The following UTRN variants were observed in gnomAD, a reference collection of about 807,000 sequenced individuals.
The protein encoded by UTRN is dystrophin-related protein 1.
UTRN carries 283 observed loss-of-function variants against 463.9 expected under a neutral mutation model. The ratio of observed to expected loss-of-function variants is 0.61; its 90% confidence interval spans 0.55 to 0.67. The LOEUF is 0.67. UTRN is among the 30% of genes least tolerant of loss of function. The probability of loss-of-function intolerance (pLI) is 0.00; values close to 1 mark genes in which losing one functional copy is unlikely to be tolerated. For missense variants in UTRN, 3,922 were observed against 4,084.3 expected, an observed-to-expected ratio of 0.96 and a Z score of 1.08; for synonymous variants, 1,442 against 1,431.5, an observed-to-expected ratio of 1.01 and a Z score of -0.17.
intron 51 of UTRN, among the ~76,000 whole-genome samples, chr6:144,661,938 A>G (rs1316662187): frequency 6.6e-6 from 1 of 152,136 alleles, no homozygotes; most frequent in African/African-American, 2.4e-5. Context: ...AGTTGAATTG[A>G]CAGTAGAAGA....
At chr6:144,650,675 C>G (rs999649670) in intron 51 of UTRN, among the ~76,000 whole-genome samples, 1 of 152,132 alleles carries the variant, frequency 6.6e-6, no homozygotes, top group Non-Finnish European at 1.5e-5. Flanking sequence ...CTTTAGGAGG[C>G]CAAGGCGGGC....
intron 34 of UTRN, among the ~76,000 whole-genome samples, chr6:144,503,440 A>G (rs1040652900): frequency 6.6e-6 from 1 of 152,140 alleles, no homozygotes; most frequent in African/African-American, 2.4e-5. Context: ...GGTGTAAGGA[A>G]GGGGTCCACT....
intron 7 of UTRN, among the ~76,000 whole-genome samples, chr6:144,426,937 C>T (rs2114860554): frequency 6.6e-6 from 1 of 152,236 alleles, no homozygotes. Flanking sequence ...AAGAATCAGG[C>T]TGAAATACTT....
chr6:144,441,920 G>A (rs892332610), intron 13 of UTRN, among the ~76,000 whole-genome samples: 3 of 152,154 alleles, frequency 2.0e-5, no homozygotes, highest in African/African-American at 7.2e-5. Context: ...CTGTACCTTT[G>A]CCCCTTTTAG....
intron 51 of UTRN, among the ~76,000 whole-genome samples, chr6:144,675,913 A>C (rs999112896): frequency 6.6e-6 from 1 of 152,194 alleles, no homozygotes; most frequent in African/African-American, 2.4e-5. Context: ...CATTTTCCTC[A>C]AAAGAATTTT....
intron 17 of UTRN, among the ~76,000 whole-genome samples, chr6:144,450,826 G>C (rs993412510): frequency 6.6e-6 from 1 of 152,146 alleles, no homozygotes; most frequent in Admixed American, 6.5e-5. Context: ...AATATGTAAA[G>C]TTTTAAAAAT....
chr6:144,661,277 G>GA (rs1779837860), intron 51 of UTRN, among the ~76,000 whole-genome samples: 1 of 152,120 alleles, frequency 6.6e-6, no homozygotes, highest in East Asian at 1.9e-4. Context: ...CATGCCATCT[G>GA]AAAAGTTTGG....
At chr6:144,511,490 G>A (rs1795165165) in intron 35 of UTRN, among the ~76,000 whole-genome samples, 1 of 152,206 alleles carries the variant, frequency 6.6e-6, no homozygotes, top group Admixed American at 6.5e-5. Context: ...TAAGAGCACA[G>A]GCTCTAGCAT....
intron 61 of UTRN, among the ~76,000 whole-genome samples, chr6:144,787,539 G>A (rs1174332292): frequency 6.6e-6 from 1 of 152,022 alleles, no homozygotes; most frequent in East Asian, 1.9e-4. Context: ...AAAATACATT[G>A]CACCAATCCC....
At chr6:144,825,859 T>TA (rs1281021741) in intron 66 of UTRN, among the ~76,000 whole-genome samples, 1 of 151,992 alleles carries the variant, frequency 6.6e-6, no homozygotes, top group Non-Finnish European at 1.5e-5. Context: ...TTTATTGTTA[T>TA]TGTATCTATT....
intron 2 of UTRN, among the ~76,000 whole-genome samples, chr6:144,339,411 A>C (rs1776967333): frequency 1.3e-5 from 2 of 152,206 alleles, no homozygotes; most frequent in South Asian, 4.1e-4. Context: ...GGGCAATTGC[A>C]GAAATTTGAA....
chr6:144,847,133 T>C (rs1442144493), intron 74 of UTRN, among the ~76,000 whole-genome samples: 5 of 152,000 alleles, frequency 3.3e-5, no homozygotes, highest in Non-Finnish European at 7.4e-5. Flanking sequence ...CTCAAATGTC[T>C]ACTTAAGGTG....
chr6:144,743,137 G>T (rs1790287856), intron 54 of UTRN, among the ~76,000 whole-genome samples: 1 of 152,128 alleles, frequency 6.6e-6, no homozygotes, highest in African/African-American at 2.4e-5. Context: ...ACTCAATTAA[G>T]TAATTATATA....
At chr6:144,330,929 C>T in intron 2 of UTRN, 1 of 985,380 alleles carries the variant, frequency 1.0e-6, no homozygotes, top group Non-Finnish European at 1.2e-6. Context: ...GTTTGGGAGT[C>T]TTAACTACAT....
At chr6:144,622,184 G>GTTTTTTTTTTTTTTTT (rs1199579909) in intron 51 of UTRN, among the ~76,000 whole-genome samples, 2 of 88,202 alleles carry the variant, frequency 2.3e-5, no homozygotes, top group African/African-American at 4.3e-5. Context: ...TTTTTTTGTT[G>GTTTTTTTTTTTTTTTT]TTTTTTTTTT....
At chr6:144,736,405 A>T (rs955230442) in intron 54 of UTRN, among the ~76,000 whole-genome samples, 1 of 152,168 alleles carries the variant, frequency 6.6e-6, no homozygotes, top group Admixed American at 6.5e-5. Flanking sequence ...TTAGGTAACC[A>T]TTCTAGAAAA....
At chr6:144,439,377 T>A (rs936652019) in intron 12 of UTRN, among the ~76,000 whole-genome samples, 8 of 152,220 alleles carry the variant, frequency 5.3e-5, no homozygotes, top group African/African-American at 1.9e-4. Flanking sequence ...AATTGAAGAC[T>A]TTTATTGATC....
At chr6:144,704,305 CAA>C (rs1784865097) in intron 53 of UTRN, among the ~76,000 whole-genome samples, 1 of 151,954 alleles carries the variant, frequency 6.6e-6, no homozygotes, top group African/African-American at 2.4e-5. Flanking sequence ...AGCTGCCTTC[CAA>C]AAATGGACAA....
chr6:144,514,758 C>T lies in UTRN; in HGVS notation c.5182C>T (p.Pro1728Ser). 1 of 1,614,136 alleles carries T rather than the reference C, an allele frequency of 6.2e-7. No individual in the cohort carries two copies. Among genetic ancestry groups the T allele is most frequent in the Non-Finnish European group, 8.5e-7 (1 of 1,180,020 alleles). ...AAGCTCAAGCAGGGAGCTTGTAGAA[C>T]CAAAGTTAGCTGAGCTGAATAGGAA... ...RGSSSRELVEPKLAELNRNFE... is the reference protein window; with the variant it reads ...RGSSSRELVESKLAELNRNFE... The change falls in exon 37 of 75, where the codon CCA becomes TCA. Residue 1728 changes from proline (P) to serine (S), a missense_variant. By Grantham distance (74) the Pro-to-Ser change is moderately conservative. Transcript: ENST00000367545.
Sources: gnomAD v4.1 joint callset for allele counts (sites outside exome capture counted in the v4.1 genomes callset) on GRCh38, gnomAD v4.1.1 for gene constraint, MANE v1.5 for transcripts, NCBI Gene and HGNC (gene_info 2026-07-23, HGNC 2026-07-21) for gene names.